DLGAP2: variants seen among roughly 807,000 people sequenced by gnomAD.
The protein encoded by DLGAP2 is disks large-associated protein 2.
DLGAP2 carries 26 observed loss-of-function variants against 100.3 expected under a neutral mutation model. That is an observed-to-expected ratio of 0.26 (90% CI 0.19 to 0.36). DLGAP2 has a LOEUF of 0.36. Ranked by LOEUF, DLGAP2 falls within the 10% of genes least tolerant of loss-of-function variation. The pLI is 1.00. For synonymous variants in DLGAP2, 886 were observed against 630.1 expected, an observed-to-expected ratio of 1.41 and a Z score of -6.08; for missense variants, 1,858 against 1,453.2, an observed-to-expected ratio of 1.28 and a Z score of -4.53.
At chr8:964,685 G>A (rs1007281237) in intron 2 of DLGAP2, among the ~76,000 whole-genome samples, 20 of 152,196 alleles carry the variant, frequency 1.3e-4, no homozygotes, top group African/African-American at 4.3e-4. Flanking sequence ...GTCCCAGTGT[G>A]GCTTCTGCCC....
At chr8:1,653,837 G>A (rs549485560) in intron 8 of DLGAP2, among the ~76,000 whole-genome samples, 40 of 152,292 alleles carry the variant, frequency 2.6e-4, no homozygotes, top group African/African-American at 8.4e-4. Context: ...TATGGGAGAC[G>A]TTGACATGAT....
intron 2 of DLGAP2, among the ~76,000 whole-genome samples, chr8:1,068,914 G>T (rs1259296290): frequency 1.3e-5 from 2 of 152,106 alleles, no homozygotes; most frequent in Non-Finnish European, 2.9e-5. Flanking sequence ...GTGAACCTGG[G>T]CAGCCCCGGG....
intron 1 of DLGAP2, chr8:738,763 A>C (rs1329802308): frequency 2.0e-5 from 3 of 152,926 alleles, no homozygotes; most frequent in African/African-American, 7.3e-5. Flanking sequence ...GCGGTGCCCG[A>C]GGCTTCGGAG....
At chr8:979,424 G>T (rs146300003) in intron 2 of DLGAP2, among the ~76,000 whole-genome samples, 2 of 152,314 alleles carry the variant, frequency 1.3e-5, no homozygotes, top group African/African-American at 2.4e-5. Flanking sequence ...CTAAAAATGT[G>T]CTGCCACCAA....
chr8:869,811 C>T (rs915269085), intron 1 of DLGAP2, among the ~76,000 whole-genome samples: 2 of 152,176 alleles, frequency 1.3e-5, no homozygotes, highest in East Asian at 1.9e-4. Flanking sequence ...GACGAGTGGG[C>T]GGGCCTGATG....
chr8:1,163,297 C>G (rs1796927553), intron 2 of DLGAP2, among the ~76,000 whole-genome samples: 1 of 152,218 alleles, frequency 6.6e-6, no homozygotes, highest in African/African-American at 2.4e-5. Context: ...CAGACGGGAC[C>G]ACGCGGGCTG....
intron 2 of DLGAP2, among the ~76,000 whole-genome samples, chr8:1,007,284 T>A (rs1453411932): frequency 6.6e-6 from 1 of 152,204 alleles, no homozygotes; most frequent in Non-Finnish European, 1.5e-5. Context: ...CTGCTGTGAT[T>A]TCCTGGAGGG....
chr8:1,142,521 G>T (rs1209970310), intron 2 of DLGAP2, among the ~76,000 whole-genome samples: 10 of 152,148 alleles, frequency 6.6e-5, no homozygotes, highest in Admixed American at 6.6e-4. Context: ...AACATCTTTT[G>T]TAAAAGTGCC....
At chr8:1,450,972 G>A (rs186538257) in intron 3 of DLGAP2, among the ~76,000 whole-genome samples, 81 of 152,160 alleles carry the variant, frequency 5.3e-4, no homozygotes, top group African/African-American at 1.8e-3. Flanking sequence ...ATCATACCTC[G>A]TAAGGGCGCC....
intron 6 of DLGAP2, among the ~76,000 whole-genome samples, chr8:1,617,974 G>A (rs1336803119): frequency 2.6e-5 from 4 of 152,192 alleles, no homozygotes; most frequent in Admixed American, 6.5e-5. Context: ...AAAGGCTACA[G>A]TTCTAACCCT....
intron 2 of DLGAP2, among the ~76,000 whole-genome samples, chr8:1,223,064 T>C (rs1435494184): frequency 6.6e-6 from 1 of 152,130 alleles, no homozygotes; most frequent in East Asian, 1.9e-4. Context: ...CCCTGCCAGC[T>C]CAGAGGTCTG....
In DLGAP2 at chr8:1,323,260, G is replaced by C. The variant is rs547733273; in HGVS notation, c.106+64377G>C. Reference sequence around the variant, plus strand: ...GCCCAGGCTGGTCTTGAACTCCTGAGGTCAGGCAATCCACCCGCCTCAGCC... The same window carrying C: ...GCCCAGGCTGGTCTTGAACTCCTGACGTCAGGCAATCCACCCGCCTCAGCC... On this transcript the variant is annotated intron_variant, in intron 3 of 14. Transcript: ENST00000637795. Among the ~76,000 whole-genome samples the C allele has an allele frequency of 1.2e-4, 18 of 152,156 alleles. 1 individual carries two copies. In the South Asian group the frequency reaches 3.7e-3, roughly 32 times the overall value.
chr8:738,477 T>C (rs989171606), intron 1 of DLGAP2: 4 of 152,178 alleles, frequency 2.6e-5, no homozygotes, highest in African/African-American at 9.7e-5. Flanking sequence ...GCTCGGGGTC[T>C]TTTTTAGGGG....
intron 4 of DLGAP2, among the ~76,000 whole-genome samples, chr8:1,526,234 G>A (rs543216424): frequency 7.3e-5 from 11 of 151,662 alleles, no homozygotes; most frequent in East Asian, 2.0e-4. Flanking sequence ...TGGACGTTGC[G>A]GTGGCGATTG....
chr8:1,632,750 G>A (rs899600266), intron 7 of DLGAP2, 77 bp from the exon 8 acceptor site: 79 of 1,416,626 alleles, frequency 5.6e-5, no homozygotes, highest in East Asian at 9.8e-5. Context: ...GGGAATGAGC[G>A]CGCTCTCCTG....
At chr8:1,417,057 G>T (rs964552304) in intron 3 of DLGAP2, among the ~76,000 whole-genome samples, 3 of 133,742 alleles carry the variant, frequency 2.2e-5, no homozygotes, top group Non-Finnish European at 4.9e-5. Context: ...CACTGTCCCC[G>T]GCGGGTTCAG....
chr8:1,310,539 C>G (rs1373168865), intron 3 of DLGAP2, among the ~76,000 whole-genome samples: 3 of 152,190 alleles, frequency 2.0e-5, no homozygotes, highest in East Asian at 1.9e-4. Flanking sequence ...AGTGGAAATA[C>G]ACATTCTTCT....
At chr8:1,573,186 G>T (rs191454091) in intron 6 of DLGAP2, among the ~76,000 whole-genome samples, 1 of 135,682 alleles carries the variant, frequency 7.4e-6, no homozygotes, top group East Asian at 2.4e-4. Context: ...AGATGAGAGA[G>T]GGTGAAGTGT....
chr8:756,763 A>T (rs1820931182), intron 1 of DLGAP2, among the ~76,000 whole-genome samples: 1 of 151,996 alleles, frequency 6.6e-6, no homozygotes, highest in Non-Finnish European at 1.5e-5. Context: ...CCTCACCCTG[A>T]GCTTGAGTCA....
Sources: allele counts gnomAD v4.1 joint callset (sites outside exome capture counted in the v4.1 genomes callset), GRCh38; gene constraint gnomAD v4.1.1; transcripts MANE v1.5; gene names NCBI Gene and HGNC (gene_info 2026-07-23, HGNC 2026-07-21).